DIAPH2: variants seen among roughly 807,000 people sequenced by gnomAD.
The protein encoded by DIAPH2 is diaphanous related formin 2.
A neutral mutation model predicts 92.7 loss-of-function variants in DIAPH2; 35 were observed. That is an observed-to-expected ratio of 0.38 (90% confidence interval 0.29 to 0.50). The LOEUF (loss-of-function observed/expected upper bound fraction) is 0.50, where lower values mean the gene tolerates loss of function less well. Ranked by LOEUF, DIAPH2 falls within the 20% of genes least tolerant of loss-of-function variation. The probability of loss-of-function intolerance (pLI) is 0.94; values close to 1 mark genes in which losing one functional copy is unlikely to be tolerated. For missense variants in DIAPH2, 701 were observed against 819.5 expected (o/e 0.86, Z 1.77); for synonymous variants, 301 against 280.4 (o/e 1.07, Z -0.73).
chrX:97,059,837 G>A (rs1271425717), intron 17 of DIAPH2, among the ~76,000 whole-genome samples: 1 of 111,300 alleles, frequency 9.0e-6, no homozygotes, highest in African/African-American at 3.3e-5. Context: ...TGGCAGAAGA[G>A]GAAGAAAATT....
At chrX:96,891,618 A>T (rs2065307906) in intron 5 of DIAPH2, among the ~76,000 whole-genome samples, 1 of 112,499 alleles carries the variant, frequency 8.9e-6, no homozygotes, top group Non-Finnish European at 1.9e-5. Context: ...ACGTAGCAAT[A>T]GATCATTGTC....
chrX:96,693,199 G>T (rs1448959100), intron 1 of DIAPH2, among the ~76,000 whole-genome samples: 1 of 112,188 alleles, frequency 8.9e-6, no homozygotes, highest in East Asian at 2.8e-4. Context: ...AATTTCACTA[G>T]CTGTAGACTC....
At chrX:97,524,371 T>C (rs2071010927) in intron 26 of DIAPH2, among the ~76,000 whole-genome samples, 1 of 112,374 alleles carries the variant, frequency 8.9e-6, no homozygotes, top group Admixed American at 9.4e-5. Context: ...TTATCTTCAT[T>C]TGGCATTTTA....
chrX:97,032,626 T>C (rs146100125), intron 17 of DIAPH2, among the ~76,000 whole-genome samples: 4,517 of 110,466 alleles, frequency 0.041, 248 homozygotes, highest in African/African-American at 0.14. Context: ...CATTCTTGTC[T>C]CTTTTTACAT....
At chrX:97,207,858 CAA>C (rs767132225) in intron 22 of DIAPH2, among the ~76,000 whole-genome samples, 13 of 111,779 alleles carry the variant, frequency 1.2e-4, no homozygotes, top group Non-Finnish European at 1.9e-4. Flanking sequence ...AAATTTGTCA[CAA>C]GAGTGAACCG....
rs2071602703 is a variant in DIAPH2 at position 97,602,701 on chromosome X, C to G, written c.*3384C>G. 8.9e-6 allele frequency: 1 copy of G among 111,998 alleles called. No homozygotes were observed. The highest frequency in any genetic ancestry group is 1.9e-5 in the Non-Finnish European group (1 of 53,246). 9.2% of individuals were successfully genotyped at this position (111,998 alleles called of 1,213,427 possible). On this transcript the variant is annotated 3_prime_UTR_variant, in exon 27 of 27. Coordinates refer to ENST00000324765, the MANE Select transcript of DIAPH2 (RefSeq NM_006729.5). Reference sequence around the variant, plus strand: ...TTGCACTTCTTCCTCTGTTCCCACACTTGGGCCTCTGCCTCTGTACCTGCA... The same window carrying G: ...TTGCACTTCTTCCTCTGTTCCCACAGTTGGGCCTCTGCCTCTGTACCTGCA...
chrX:97,368,894 C>CGTTT (rs2069409846), intron 24 of DIAPH2, among the ~76,000 whole-genome samples: 1 of 49,387 alleles, frequency 2.0e-5, no homozygotes, highest in African/African-American at 6.0e-5. Context: ...CAGAGTCTAC[C>CGTTT]CTTTCTTTTT....
chrX:96,884,663 C>G, intron 5 of DIAPH2: 1 of 1,210,447 alleles, frequency 8.3e-7, no homozygotes, highest in African/African-American at 1.7e-5. Flanking sequence ...CAGGTGACTC[C>G]ATTGTCAGTC....
In DIAPH2 at chrX:97,050,510, T is replaced by G. The variant is rs1384769903; in HGVS notation, c.2051-22431T>G. On this transcript the variant is annotated intron_variant, in intron 17 of 26. Coordinates refer to ENST00000324765, the MANE Select transcript of DIAPH2 (RefSeq NM_006729.5). ...ATAATAGAACCACGTTTTTTTGTTT[T>G]TTTTTTTTTTTCCTCTTCTGGAAAG... Among the ~76,000 whole-genome samples the G allele has an allele frequency of 5.5e-5, 6 of 108,732 alleles. No individual in the cohort carries two copies. The East Asian group carries it at 8.5e-4, about 15-fold the overall frequency. The allele number at this position is 108,732 out of a possible 115,157, so 94.4% of individuals were successfully genotyped here. A position where few individuals can be genotyped will look rare whatever the true frequency, so the allele number is the denominator to read the frequency against.
At chrX:97,499,972 G>T (rs2070784012) in intron 26 of DIAPH2, among the ~76,000 whole-genome samples, 2 of 112,152 alleles carry the variant, frequency 1.8e-5, no homozygotes, top group South Asian at 7.5e-4. Context: ...AGCATTCAGA[G>T]ATCAGTTTAC....
At chrX:96,767,610 A>G (rs1034766498) in intron 4 of DIAPH2, among the ~76,000 whole-genome samples, 1 of 111,950 alleles carries the variant, frequency 8.9e-6, no homozygotes, top group Non-Finnish European at 1.9e-5. Context: ...ACTACATGGT[A>G]AAATGAGATA....
chrX:96,736,454 G>A (rs904146006), intron 2 of DIAPH2, among the ~76,000 whole-genome samples: 2 of 111,178 alleles, frequency 1.8e-5, no homozygotes, highest in South Asian at 3.8e-4. Flanking sequence ...GCAGTGGCGC[G>A]ATCTCGGCTC....
intron 4 of DIAPH2, among the ~76,000 whole-genome samples, chrX:96,796,838 G>A (rs2064543807): frequency 9.0e-6 from 1 of 111,332 alleles, no homozygotes; most frequent in African/African-American, 3.3e-5. Context: ...AAAATAGACT[G>A]TAAACAATCT....
In DIAPH2 at chrX:97,318,753, G is replaced by A. The variant is rs186961953; in HGVS notation, c.2845-29363G>A. On this transcript the variant is annotated intron_variant, in intron 23 of 26. Transcript: ENST00000324765. ...ACCCGCCTTAGCCTCCCAAAGTGGT[G>A]AGATTACAGGCATGAGCCACCACGC... Among the ~76,000 whole-genome samples, 3 of 110,232 alleles carry A rather than the reference G, an allele frequency of 2.7e-5. No homozygotes were observed. The East Asian group carries it at 8.5e-4, about 31-fold the overall frequency.
In DIAPH2 at chrX:96,857,998, TCTC is replaced by T. The variant is rs2065050719; in HGVS notation, c.448-23577_448-23575del. Among the ~76,000 whole-genome samples the T allele has an allele frequency of 2.7e-5, 3 of 112,465 alleles. No homozygotes were observed. In the South Asian group the frequency reaches 1.1e-3, roughly 41 times the overall value. On this transcript the variant is annotated intron_variant, in intron 4 of 26. Coordinates refer to ENST00000324765, the MANE Select transcript of DIAPH2 (RefSeq NM_006729.5). ...TTATAAAAACCAGATCTAAATTTCTTCTCCTCTTAAAATAATTTATTCTTAAAT... is the reference window on the plus strand; with the variant it reads ...TTATAAAAACCAGATCTAAATTTCTTCTCTTAAAATAATTTATTCTTAAAT...
At chrX:97,176,820 C>T (rs1371484883) in intron 22 of DIAPH2, among the ~76,000 whole-genome samples, 2 of 111,666 alleles carry the variant, frequency 1.8e-5, no homozygotes, top group East Asian at 5.6e-4. Context: ...AGCCACCGCG[C>T]CTGGCCGAAG....
At chrX:97,343,471 C>T (rs371218564) in intron 23 of DIAPH2, among the ~76,000 whole-genome samples, 119 of 111,306 alleles carry the variant, frequency 1.1e-3, no homozygotes, top group African/African-American at 3.5e-3. Context: ...GAGTTCAAGA[C>T]CAGCCTGGCC....
intron 16 of DIAPH2, among the ~76,000 whole-genome samples, chrX:96,962,342 T>TATATACAC (rs1569436481): frequency 1.7e-4 from 12 of 70,174 alleles, no homozygotes; most frequent in Non-Finnish European, 2.3e-4. Flanking sequence ...TATATACATA[T>TATATACAC]ATATATATAC....
intron 26 of DIAPH2, among the ~76,000 whole-genome samples, chrX:97,534,445 A>G (rs1337783741): frequency 9.0e-6 from 1 of 110,633 alleles, no homozygotes; most frequent in Non-Finnish European, 1.9e-5. Flanking sequence ...ACATTGAAAA[A>G]GATTAAAATT....
Sources: gnomAD v4.1 joint callset for allele counts (sites outside exome capture counted in the v4.1 genomes callset) on GRCh38, gnomAD v4.1.1 for gene constraint, MANE v1.5 for transcripts, NCBI Gene and HGNC (gene_info 2026-07-23, HGNC 2026-07-21) for gene names.